NKAIN3: variants seen among roughly 807,000 people sequenced by gnomAD.
NKAIN3 encodes the protein sodium/potassium-transporting ATPase subunit beta-1-interacting protein 3.
Under a neutral mutation model 30.2 loss-of-function variants are expected in NKAIN3, and 25 were observed. That is an observed-to-expected ratio of 0.83 (90% CI 0.60 to 1.16). NKAIN3 has a LOEUF of 1.16. NKAIN3 is among the 50% of genes most tolerant of loss of function. NKAIN3 has a pLI of 0.00. For synonymous variants in NKAIN3, 91 were observed against 89.6 expected, an observed-to-expected ratio of 1.02 and a Z score of -0.09; for missense variants, 225 against 254.1, an observed-to-expected ratio of 0.89 and a Z score of 0.78.
intron 3 of NKAIN3, among the ~76,000 whole-genome samples, chr8:62,596,836 T>C (rs1266612555): frequency 6.6e-6 from 1 of 152,092 alleles, no homozygotes; most frequent in African/African-American, 2.4e-5. Context: ...ACAGTTATGT[T>C]CTATCTTTTC....
intron 5 of NKAIN3, among the ~76,000 whole-genome samples, chr8:62,926,604 T>TA (rs1440897794): frequency 1.1e-4 from 16 of 152,190 alleles, no homozygotes; most frequent in African/African-American, 3.9e-4. Flanking sequence ...TTAGAGAACT[T>TA]AGAGTTTCTA....
chr8:62,500,472 A>G lies in NKAIN3; in HGVS notation c.55-79067A>G, dbSNP rs12114656. Among the ~76,000 whole-genome samples, 233 of 126,120 alleles carry G rather than the reference A, an allele frequency of 1.8e-3. 1 individual carries two copies. Among genetic ancestry groups the G allele is most frequent in the African/African-American group, 6.2e-3 (184 of 29,802 alleles). The allele number at this position is 126,120 out of a possible 152,430, so 82.7% of individuals were successfully genotyped here. A position where few individuals can be genotyped will look rare whatever the true frequency, so the allele number is the denominator to read the frequency against. The stretch of plus-strand genomic sequence containing the variant: ...AAGAAAGAAAGAAAGAAAGAAAGAA[A>G]GAAAGAAAGAAAGAAGAAAAGAAAG... On this transcript the variant is annotated intron_variant, in intron 1 of 6. Coordinates refer to ENST00000623646, the MANE Select transcript of NKAIN3 (RefSeq NM_001304533.3).
chr8:62,667,351 A>ATG lies in NKAIN3; in HGVS notation c.273+77558_273+77559insGT, dbSNP rs1449986405. On this transcript the variant is annotated intron_variant, in intron 3 of 6. Transcript: ENST00000623646. ...TATTCTTTATATATATATTCTTTAT[A>ATG]TATATATCTGTATATATATATATAA... Among the ~76,000 whole-genome samples the ATG allele has an allele frequency of 4.4e-4, 33 of 74,520 alleles. 1 individual carries two copies. Among genetic ancestry groups the ATG allele is most frequent in the African/African-American group, 2.3e-3 (31 of 13,226 alleles). The allele number at this position is 74,520 out of a possible 152,430, so 48.9% of individuals were successfully genotyped here.
At chr8:62,294,711 A>G (rs1029875210) in intron 1 of NKAIN3, among the ~76,000 whole-genome samples, 6 of 151,922 alleles carry the variant, frequency 3.9e-5, no homozygotes, top group Admixed American at 1.3e-4. Context: ...AAATTTTTGT[A>G]TTTTAATTTT....
chr8:62,266,213 A>C (rs544484868), intron 1 of NKAIN3, among the ~76,000 whole-genome samples: 1 of 152,322 alleles, frequency 6.6e-6, no homozygotes, highest in South Asian at 2.1e-4. Flanking sequence ...TTTTGAGTGA[A>C]ATAAATAAGA....
At position 62,292,853 on chromosome 8, in the gene NKAIN3, C is replaced by G. The variant is rs577817916; in HGVS notation, c.54+43726C>G. Among the ~76,000 whole-genome samples the G allele has an allele frequency of 3.3e-3, 506 of 152,320 alleles. 1 individual carries two copies. Among genetic ancestry groups the G allele is most frequent in the African/African-American group, 0.011 (478 of 41,570 alleles). ...TCCAACTTGGTTCCATTCTCCCCAT[C>G]ACTTTCAGGCACAGCAATCAGACGT... is the stretch of plus-strand genomic sequence containing the variant. On this transcript the variant is annotated intron_variant, in intron 1 of 6. Coordinates refer to ENST00000623646, the MANE Select transcript of NKAIN3 (RefSeq NM_001304533.3).
At chr8:62,448,169 G>GT (rs1460816707) in intron 1 of NKAIN3, among the ~76,000 whole-genome samples, 1 of 151,666 alleles carries the variant, frequency 6.6e-6, no homozygotes, top group African/African-American at 2.4e-5. Context: ...TCTCAGATGA[G>GT]TTTTTTTGAA....
At chr8:62,862,939 T>G (rs900990405) in intron 4 of NKAIN3, 2 of 408,100 alleles carry the variant, frequency 4.9e-6, no homozygotes, top group Non-Finnish European at 9.1e-6. Context: ...GACACAGTTT[T>G]CAGTGTTTTA....
intron 4 of NKAIN3, among the ~76,000 whole-genome samples, chr8:62,801,084 A>C (rs1818045222): frequency 6.6e-6 from 1 of 152,236 alleles, no homozygotes; most frequent in Non-Finnish European, 1.5e-5. Context: ...ACCATTGCCC[A>C]GGCTTGCTTA....
intron 1 of NKAIN3, among the ~76,000 whole-genome samples, chr8:62,551,715 T>G (rs1383093505): frequency 1.3e-5 from 2 of 152,162 alleles, no homozygotes; most frequent in African/African-American, 2.4e-5. Context: ...ACCAGTCACT[T>G]TGTTGGTAGT....
At chr8:62,517,950 C>T (rs1012832322) in intron 1 of NKAIN3, among the ~76,000 whole-genome samples, 1 of 152,008 alleles carries the variant, frequency 6.6e-6, no homozygotes, top group Non-Finnish European at 1.5e-5. Context: ...CTATATCTTC[C>T]ATTTCAAATG....
intron 1 of NKAIN3, among the ~76,000 whole-genome samples, chr8:62,302,408 A>T (rs1814080226): frequency 6.6e-6 from 1 of 152,106 alleles, no homozygotes; most frequent in Non-Finnish European, 1.5e-5. Flanking sequence ...TAGCTCCTAT[A>T]GAGAAAAATA....
In NKAIN3 at chr8:62,870,717, C is replaced by A. The variant is rs1027972969; in HGVS notation, c.472-47736C>A. ...TATCTATATATCTATATATCTATATCTCTATATCTATATATCTATATATAT... is the reference window on the plus strand; with the variant it reads ...TATCTATATATCTATATATCTATATATCTATATCTATATATCTATATATAT... On this transcript the variant is annotated intron_variant, in intron 4 of 6. Coordinates refer to ENST00000623646, the MANE Select transcript of NKAIN3 (RefSeq NM_001304533.3). 4.6e-4 allele frequency among the ~76,000 whole-genome samples: 51 copies of A among 110,848 alleles called. No individual in the cohort carries two copies. The East Asian group carries it at 5.0e-3, about 11-fold the overall frequency. The allele number at this position is 110,848 out of a possible 152,430, so 72.7% of individuals were successfully genotyped here.
intron 5 of NKAIN3, among the ~76,000 whole-genome samples, chr8:62,994,711 G>T (rs75866054): frequency 6.6e-6 from 1 of 152,190 alleles, no homozygotes; most frequent in Non-Finnish European, 1.5e-5. Flanking sequence ...CATTAACCGA[G>T]AGAAGAGAAA....
chr8:62,492,125 G>T (rs956044511), intron 1 of NKAIN3, among the ~76,000 whole-genome samples: 1 of 152,106 alleles, frequency 6.6e-6, no homozygotes, highest in African/African-American at 2.4e-5. Context: ...ATAGCAAATT[G>T]TAGAAAACGT....
At chr8:62,819,747 G>T (rs1174535770) in intron 4 of NKAIN3, among the ~76,000 whole-genome samples, 2 of 152,028 alleles carry the variant, frequency 1.3e-5, no homozygotes, top group Non-Finnish European at 2.9e-5. Flanking sequence ...ATGTGTGAGT[G>T]ATTTTATCGG....
intron 3 of NKAIN3, among the ~76,000 whole-genome samples, chr8:62,590,574 A>G (rs1013981177): frequency 4.0e-5 from 6 of 151,826 alleles, no homozygotes; most frequent in Admixed American, 3.3e-4. Context: ...ATATTTTAAA[A>G]CTTCTCATTA....
intron 1 of NKAIN3, among the ~76,000 whole-genome samples, chr8:62,471,382 C>A (rs1806337465): frequency 6.6e-6 from 1 of 151,816 alleles, no homozygotes; most frequent in South Asian, 2.1e-4. Context: ...TACATAGATG[C>A]TGTATTTTTC....
At chr8:62,681,774 G>A (rs1279267436) in intron 3 of NKAIN3, among the ~76,000 whole-genome samples, 1 of 152,116 alleles carries the variant, frequency 6.6e-6, no homozygotes, top group African/African-American at 2.4e-5. Context: ...TATTGGTCAT[G>A]CCGCTTTATA....
Sources: allele counts gnomAD v4.1 joint callset (sites outside exome capture counted in the v4.1 genomes callset), GRCh38; gene constraint gnomAD v4.1.1; transcripts MANE v1.5; gene names NCBI Gene and HGNC (gene_info 2026-07-23, HGNC 2026-07-21).